Variants in GAB2 observed in about 807,000 individuals in gnomAD.
GAB2 encodes GRB2 associated binding protein 2, also known as GRB2-associated-binding protein 2.
A neutral mutation model predicts 65.5 loss-of-function variants in GAB2; 26 were observed. The observed-to-expected ratio is 0.40, with a 90% CI of 0.29 to 0.55. The LOEUF (loss-of-function observed/expected upper bound fraction) is 0.55, where lower values mean the gene tolerates loss of function less well. Ranked by LOEUF, GAB2 falls within the 20% of genes least tolerant of loss-of-function variation. The pLI, the probability that GAB2 is intolerant of heterozygous loss-of-function variation, is 0.53. For missense variants in GAB2, 884 were observed against 875.8 expected, an observed-to-expected ratio of 1.01 and a Z score of -0.12; for synonymous variants, 321 against 329.6, an observed-to-expected ratio of 0.97 and a Z score of 0.28.
chr11:78,415,939 CTTTT>C (rs1303081510), intron 1 of GAB2, among the ~76,000 whole-genome samples: 20 of 128,980 alleles, frequency 1.6e-4, no homozygotes, highest in Non-Finnish European at 2.2e-4. Context: ...TTAAGGGTCA[CTTTT>C]TTTTTTTTTT....
At chr11:78,298,679 T>C (rs1591013550) in intron 1 of GAB2, among the ~76,000 whole-genome samples, 1 of 152,210 alleles carries the variant, frequency 6.6e-6, no homozygotes, top group East Asian at 1.9e-4. Context: ...GTCATTCCCC[T>C]GAGGGACCTT....
At chr11:78,228,189 C>T (rs773228558) in intron 3 of GAB2, among the ~76,000 whole-genome samples, 3 of 152,228 alleles carry the variant, frequency 2.0e-5, no homozygotes, top group South Asian at 2.1e-4. Flanking sequence ...ACAAGCCCTT[C>T]GTTTCACAAG....
In GAB2 at chr11:78,217,592, G is replaced by C. The variant is rs998832071; in HGVS notation, c.*1680C>G. The C allele has an allele frequency of 1.3e-5, 2 of 152,202 alleles. No homozygotes were observed. The highest frequency in any genetic ancestry group is 2.9e-5 in the Non-Finnish European group (2 of 68,056). 9.4% of individuals were successfully genotyped at this position (152,202 alleles called of 1,614,324 possible). A position where few individuals can be genotyped will look rare whatever the true frequency, so the allele number is the denominator to read the frequency against. On this transcript the variant is annotated 3_prime_UTR_variant, in exon 10 of 10. Transcript: ENST00000361507. ...GCCCCAGGGTAGAATGAAACGTCTG[G>C]TCTGTCCTGTTGCTTCTGAAACTCT... is the stretch of plus-strand genomic sequence containing the variant.
rs548661059 is a variant in GAB2, at chr11:78,310,254, G to A, written c.76-29353C>T. On this transcript the variant is annotated intron_variant, in intron 1 of 9. Transcript: ENST00000361507. ...GCGGTGGCTCACGCCTGTAATCCCA[G>A]CACTTTGGGAGGCCAAGGCGGTTGG... Among the ~76,000 whole-genome samples, 12 of 151,680 alleles carry A rather than the reference G, an allele frequency of 7.9e-5. No individual in the cohort carries two copies. The South Asian group carries it at 2.5e-3, about 32-fold the overall frequency.
intron 2 of GAB2, among the ~76,000 whole-genome samples, chr11:78,278,376 T>G (rs1866234546): frequency 6.6e-6 from 1 of 150,812 alleles, no homozygotes; most frequent in African/African-American, 2.4e-5. Context: ...AGTCTGCTTT[T>G]TTTTTTGTTT....
At chr11:78,405,793 G>A (rs1030143182) in intron 1 of GAB2, among the ~76,000 whole-genome samples, 2 of 152,158 alleles carry the variant, frequency 1.3e-5, no homozygotes, top group African/African-American at 4.8e-5. Context: ...ATATATCTCA[G>A]ACTTGGAGCT....
intron 2 of GAB2, among the ~76,000 whole-genome samples, chr11:78,270,409 C>T (rs966659779): frequency 2.6e-5 from 4 of 151,972 alleles, no homozygotes; most frequent in African/African-American, 7.3e-5. Context: ...TCTTGCTGTC[C>T]GTTTTGTGAC....
Position 78,226,816 on chromosome 11 carries a change from C to G in GAB2, c.856G>C (p.Glu286Gln), listed in dbSNP as rs199954922. Residue 286 changes from glutamate to glutamine, a missense_variant, in exon 4 of 10, where the codon GAG becomes CAG. Coordinates refer to ENST00000361507, the MANE Select transcript of GAB2 (RefSeq NM_080491.3). Reference protein sequence around the residue: ...GHTKGSLTGSETDNEDVYTFK... With the variant: ...GHTKGSLTGSQTDNEDVYTFK... The stretch of plus-strand genomic sequence containing the variant: ...GTGTACACATCCTCATTATCTGTCT[C>G]GGAGCCTGTGAGGCTGCCCTTGGTG... The G allele has an allele frequency of 6.2e-7, 1 of 1,614,098 alleles. No individual in the cohort carries two copies. Among genetic ancestry groups the G allele is most frequent in the Non-Finnish European group, 8.5e-7 (1 of 1,179,966 alleles).
chr11:78,400,872 C>G (rs1463824303), intron 1 of GAB2, among the ~76,000 whole-genome samples: 3 of 141,110 alleles, frequency 2.1e-5, no homozygotes, highest in African/African-American at 5.3e-5. Context: ...CCACTGCACT[C>G]CAGCCTGAGT....
chr11:78,225,955 TG>T (rs749150854), intron 4 of GAB2, among the ~76,000 whole-genome samples: 4 of 152,220 alleles, frequency 2.6e-5, no homozygotes, highest in Non-Finnish European at 4.4e-5. Context: ...ATACTCTCAG[TG>T]GAAAACAAGT....
At chr11:78,400,660 T>G (rs1459412598) in intron 1 of GAB2, among the ~76,000 whole-genome samples, 1 of 152,078 alleles carries the variant, frequency 6.6e-6, no homozygotes, top group African/African-American at 2.4e-5. Context: ...CCCAGCACTT[T>G]GGGAGGCTGA....
chr11:78,408,583 C>G (rs538270024), intron 1 of GAB2, among the ~76,000 whole-genome samples: 6 of 152,274 alleles, frequency 3.9e-5, no homozygotes, highest in African/African-American at 1.2e-4. Flanking sequence ...AGACATAAAT[C>G]AGCACAGTGG....
chr11:78,317,953 G>A (rs926259363), intron 1 of GAB2, among the ~76,000 whole-genome samples: 9 of 152,136 alleles, frequency 5.9e-5, no homozygotes, highest in Non-Finnish European at 1.0e-4. Flanking sequence ...CAAACAACCT[G>A]GCAGGAAGGA....
At chr11:78,291,561 C>CTTTTTTTT (rs1163199130) in intron 1 of GAB2, among the ~76,000 whole-genome samples, 30 of 80,900 alleles carry the variant, frequency 3.7e-4, no homozygotes, top group East Asian at 2.7e-3. Context: ...TTTTCTTTTT[C>CTTTTTTTT]TTTTTTTTTT....
At chr11:78,338,521 CTA>C (rs1856039561) in intron 1 of GAB2, among the ~76,000 whole-genome samples, 1 of 152,224 alleles carries the variant, frequency 6.6e-6, no homozygotes, top group South Asian at 2.1e-4. Context: ...ATTTAACACA[CTA>C]TGCGCTTTCT....
intron 1 of GAB2, among the ~76,000 whole-genome samples, chr11:78,301,588 C>A (rs1867021326): frequency 1.3e-5 from 2 of 152,148 alleles, no homozygotes; most frequent in African/African-American, 4.8e-5. Flanking sequence ...CCACCTTGGC[C>A]TCTCAAAGTG....
At chr11:78,246,300 A>C (rs1865296176) in intron 3 of GAB2, among the ~76,000 whole-genome samples, 1 of 152,144 alleles carries the variant, frequency 6.6e-6, no homozygotes, top group Non-Finnish European at 1.5e-5. Context: ...TTGTTTTCAC[A>C]GGAGCTTTGA....
At chr11:78,329,710 T>C (rs1180707057) in intron 1 of GAB2, among the ~76,000 whole-genome samples, 6 of 152,216 alleles carry the variant, frequency 3.9e-5, no homozygotes, top group Non-Finnish European at 2.9e-5. Flanking sequence ...GTTTTGTACT[T>C]GGAAGGTGTT....
chr11:78,226,437 CTGAG>C (rs1864652991), intron 4 of GAB2, 24 bp downstream of exon 4: 1 of 1,553,600 alleles, frequency 6.4e-7, no homozygotes, highest in Non-Finnish European at 8.9e-7. Flanking sequence ...CCTCCTCCCT[CTGAG>C]TCTCAGCTAG....
Sources: allele counts gnomAD v4.1 joint callset (sites outside exome capture counted in the v4.1 genomes callset), GRCh38; gene constraint gnomAD v4.1.1; transcripts MANE v1.5; gene names NCBI Gene and HGNC (gene_info 2026-07-23, HGNC 2026-07-21).